The following MAGEB6 variants were observed in gnomAD, a reference collection of about 807,000 sequenced individuals.
MAGEB6 encodes melanoma-associated antigen B6.
For missense variants in MAGEB6, 327 were observed against 329.7 expected (o/e 0.99, Z 0.06); for synonymous variants, 128 against 136.2 (o/e 0.94, Z 0.42).
chrX:26,193,919 C>T lies in MAGEB6; in HGVS notation c.73C>T (p.Leu25Phe), dbSNP rs142389522. ...RQETNGQPQG[L>F]TGPQATAEKQ... ...AGAGACCAATGGTCAGCCACAGGGT[C>T]TCACGGGTCCCCAGGCCACTGCAGA... The change falls in exon 2 of 2, where the codon CTC becomes TTC. Residue 25 changes from leucine (L) to phenylalanine (F), a missense_variant. By Grantham distance (22) the Leu-to-Phe change is conservative. Coordinates refer to ENST00000379034, the MANE Select transcript of MAGEB6 (RefSeq NM_173523.2). The T allele has an allele frequency of 1.1e-4, 127 of 1,203,582 alleles. No homozygotes were observed. Among genetic ancestry groups the T allele is most frequent in the Non-Finnish European group, 1.3e-4 (119 of 891,788 alleles).
intron 1 of MAGEB6, 68 bp from the exon 2 acceptor site, chrX:26,193,718 C>T: frequency 1.4e-6 from 1 of 729,153 alleles, no homozygotes; most frequent in Non-Finnish European, 2.0e-6. Flanking sequence ...CAGAAGGGGC[C>T]CTAGTTAAAG....
chrX:26,195,520 ACAT>A lies in MAGEB6; in HGVS notation c.*454_*456del, dbSNP rs1929185296. On this transcript the variant is annotated 3_prime_UTR_variant, in exon 2 of 2. Coordinates refer to ENST00000379034, the MANE Select transcript of MAGEB6 (RefSeq NM_173523.2). ...TCTTAACTCCACAGTAAAATAGTTG[ACAT>A]CATAATATGAAGAGAAAGAAAAGGA... 1 of 128,268 alleles carries A rather than the reference ACAT, an allele frequency of 7.8e-6. No individual in the cohort carries two copies. The highest frequency in any genetic ancestry group is 3.2e-5 in the African/African-American group (1 of 31,175). 10.6% of individuals were successfully genotyped at this position (128,268 alleles called of 1,213,427 possible). A position where few individuals can be genotyped will look rare whatever the true frequency, so the allele number is the denominator to read the frequency against.
chrX:26,192,867 C>T (rs1207051616), intron 1 of MAGEB6, among the ~76,000 whole-genome samples: 2 of 111,421 alleles, frequency 1.8e-5, no homozygotes, highest in Non-Finnish European at 3.8e-5. Flanking sequence ...GGGGTCCGGG[C>T]AGGTCTCTAG....
rs1352184147 is a variant in MAGEB6, at chrX:26,195,109, T to C, written c.*39T>C. On this transcript the variant is annotated 3_prime_UTR_variant, in exon 2 of 2. Coordinates refer to ENST00000379034, the MANE Select transcript of MAGEB6 (RefSeq NM_173523.2). ...CTATTTCCTTGGCCAGGGTACCTTATGGGGCCATATCCTACAGATCCTCCC... is the reference window on the plus strand; with the variant it reads ...CTATTTCCTTGGCCAGGGTACCTTACGGGGCCATATCCTACAGATCCTCCC... The C allele has an allele frequency of 5.3e-5, 62 of 1,176,398 alleles. No homozygotes were observed. In the East Asian group the frequency reaches 1.8e-3, roughly 34 times the overall value.
Position 26,195,212 on chromosome X carries a change from G to C in MAGEB6, c.*142G>C. ...TGAGCTTTCTAAGTAGTGCAGTATA[G>C]TAGAGGCTGGAGGGAACAAGATATG... is the stretch of plus-strand genomic sequence containing the variant. On this transcript the variant is annotated 3_prime_UTR_variant, in exon 2 of 2. Coordinates refer to ENST00000379034, the MANE Select transcript of MAGEB6 (RefSeq NM_173523.2). 1 of 673,066 alleles carries C rather than the reference G, an allele frequency of 1.5e-6. No individual in the cohort carries two copies. The highest frequency in any genetic ancestry group is 2.2e-6 in the Non-Finnish European group (1 of 457,917). The allele number at this position is 673,066 out of a possible 1,213,427, so 55.5% of individuals were successfully genotyped here.
In MAGEB6 at chrX:26,194,320, T is replaced by A. The variant is rs1208105139; in HGVS notation, c.474T>A (p.Asp158Glu). Reference protein sequence around the residue: ...SQGASPTGSPDAGVSGSKYDV... With the variant: ...SQGASPTGSPEAGVSGSKYDV... Reference sequence around the variant, plus strand: ...GAGCTTCACCCACTGGCTCGCCTGATGCAGGTGTTTCAGGCTCAAAATATG... The same window carrying A: ...GAGCTTCACCCACTGGCTCGCCTGAAGCAGGTGTTTCAGGCTCAAAATATG... The change falls in exon 2 of 2, where the codon GAT (aspartate) becomes GAA (glutamate). Residue 158 changes from aspartate to glutamate, a missense_variant. Asp to Glu is a conservative substitution (Grantham distance 45). Coordinates refer to ENST00000379034, the MANE Select transcript of MAGEB6 (RefSeq NM_173523.2). 1 of 1,212,000 alleles carries A rather than the reference T, an allele frequency of 8.3e-7. No homozygotes were observed. The highest frequency in any genetic ancestry group is 1.1e-6 in the Non-Finnish European group (1 of 895,583).
chrX:26,194,449 G>C lies in MAGEB6; in HGVS notation c.603G>C (p.Thr201=). 2 of 1,212,124 alleles carry C rather than the reference G, an allele frequency of 1.7e-6. No homozygotes were observed. The highest frequency in any genetic ancestry group is 2.2e-6 in the Non-Finnish European group (2 of 895,639). The change falls in exon 2 of 2, where the codon ACG becomes ACC. Residue 201 remains threonine (T), a synonymous_variant. Coordinates refer to ENST00000379034, the MANE Select transcript of MAGEB6 (RefSeq NM_173523.2). ...SKDAVKKKAC[T]LAQFLQKKFE... ...ATGCTGTAAAGAAGAAGGCGTGCAC[G>C]TTGGCGCAATTCCTGCAGAAGAAGT... is the stretch of plus-strand genomic sequence containing the variant.
chrX:26,194,130 G>C lies in MAGEB6; in HGVS notation c.284G>C (p.Ser95Thr), dbSNP rs747363963. 20 of 1,180,045 alleles carry C rather than the reference G, an allele frequency of 1.7e-5. 2 individuals are homozygous for C. Among genetic ancestry groups the C allele is most frequent in the Non-Finnish European group, 1.4e-5 (12 of 873,142 alleles). ...AACGGCCAAGATGAGAAAAGTCCAA[G>C]CACCTCCCGTGATGCCTCCGTTCCT... ...AANGQDEKSPSTSRDASVPQE... is the reference protein window; with the variant it reads ...AANGQDEKSPTTSRDASVPQE... Residue 95 changes from serine to threonine, a missense_variant, in exon 2 of 2, where the codon AGC becomes ACC. Coordinates refer to ENST00000379034, the MANE Select transcript of MAGEB6 (RefSeq NM_173523.2).
At position 26,192,716 on chromosome X, in the gene MAGEB6, G is replaced by A. The variant is rs773462325; in HGVS notation, c.-62+189G>A. On this transcript the variant is annotated intron_variant, in intron 1 of 1. Coordinates refer to ENST00000379034, the MANE Select transcript of MAGEB6 (RefSeq NM_173523.2). ...TCGTGTTGAAGAACATGAAGGCCTC[G>A]GTCCAAGGCTTGTGGACCCAGGTCA... 5.4e-5 allele frequency among the ~76,000 whole-genome samples: 6 copies of A among 111,320 alleles called. No individual in the cohort carries two copies. In the South Asian group the frequency reaches 1.9e-3, roughly 36 times the overall value.
intron 1 of MAGEB6, among the ~76,000 whole-genome samples, chrX:26,193,471 T>C (rs1288319367): frequency 9.3e-6 from 1 of 107,119 alleles, no homozygotes; most frequent in Non-Finnish European, 1.9e-5. Context: ...TTGCGATAGT[T>C]TGCTGAGAAT....
In MAGEB6 at chrX:26,194,590, T is replaced by C. The variant is rs375291505; in HGVS notation, c.744T>C (p.Phe248=). Residue 248 remains phenylalanine, a synonymous_variant, in exon 2 of 2, where the codon TTT becomes TTC. Coordinates refer to ENST00000379034, the MANE Select transcript of MAGEB6 (RefSeq NM_173523.2). ...NRTSQHLVVA[F]GVELKEMDSS... The stretch of plus-strand genomic sequence containing the variant: ...CCTCCCAACATTTGGTGGTGGCCTT[T>C]GGCGTTGAATTGAAAGAAATGGATT... 1 of 1,209,638 alleles carries C rather than the reference T, an allele frequency of 8.3e-7. No homozygotes were observed. Among genetic ancestry groups the C allele is most frequent in the East Asian group, 3.0e-5 (1 of 33,717 alleles).
At chrX:26,193,197 AT>A (rs68188349) in intron 1 of MAGEB6, among the ~76,000 whole-genome samples, 35,525 of 106,693 alleles carry the variant, frequency 0.33, 4,527 homozygotes, top group South Asian at 0.48. Context: ...CTTGTCAACA[AT>A]TTTTTTTTTA....
At chrX:26,193,464 C>G (rs1437524695) in intron 1 of MAGEB6, among the ~76,000 whole-genome samples, 1 of 105,355 alleles carries the variant, frequency 9.5e-6, no homozygotes, top group East Asian at 3.1e-4. Context: ...TTTGTCCTTG[C>G]GATAGTTTGC....
chrX:26,194,912 G>C lies in MAGEB6; in HGVS notation c.1066G>C (p.Glu356Gln). 8.3e-7 allele frequency: 1 copy of C among 1,211,929 alleles called. No homozygotes were observed. The highest frequency in any genetic ancestry group is 1.8e-5 in the South Asian group (1 of 56,972). Residue 356 changes from glutamate (E) to glutamine (Q), a missense_variant, in exon 2 of 2, where the codon GAG (glutamate) becomes CAG (glutamine). Transcript: ENST00000379034. ...GTGCAACAGTGATCCTCCATGCTATGAGTTCCTGTGGGGTCCACGAGCCTA... is the reference window on the plus strand; with the variant it reads ...GTGCAACAGTGATCCTCCATGCTATCAGTTCCTGTGGGGTCCACGAGCCTA... ...QVCNSDPPCY[E>Q]FLWGPRAYAE...
Position 26,194,108 on chromosome X carries a change from G to C in MAGEB6, c.262G>C (p.Gly88Arg). Reference sequence around the variant, plus strand: ...TTCAAAATCCGATGTGGCTGCCAACGGCCAAGATGAGAAAAGTCCAAGCAC... The same window carrying C: ...TTCAAAATCCGATGTGGCTGCCAACCGCCAAGATGAGAAAAGTCCAAGCAC... ...SYSKSDVAANGQDEKSPSTSR... is the reference protein window; with the variant it reads ...SYSKSDVAANRQDEKSPSTSR... Residue 88 changes from glycine to arginine, a missense_variant, in exon 2 of 2, where the codon GGC becomes CGC. Transcript: ENST00000379034. 8.3e-7 allele frequency: 1 copy of C among 1,202,979 alleles called. No individual in the cohort carries two copies. Among genetic ancestry groups the C allele is most frequent in the Non-Finnish European group, 1.1e-6 (1 of 890,601 alleles).
rs1929147173 is a variant in MAGEB6 at position 26,193,952 on chromosome X, G to A, written c.106G>A (p.Glu36Lys). 2 of 1,211,114 alleles carry A rather than the reference G, an allele frequency of 1.7e-6. No individual in the cohort carries two copies. Among genetic ancestry groups the A allele is most frequent in the Non-Finnish European group, 2.2e-6 (2 of 895,074 alleles). Residue 36 changes from glutamate (E) to lysine (K), a missense_variant, in exon 2 of 2, where the codon GAA becomes AAA. Glu to Lys is a moderately conservative substitution (Grantham distance 56). Coordinates refer to ENST00000379034, the MANE Select transcript of MAGEB6 (RefSeq NM_173523.2). The part of the protein sequence containing the change: ...TGPQATAEKQ[E>K]ESHSSSSSSR... Reference sequence around the variant, plus strand: ...TCCCCAGGCCACTGCAGAGAAGCAGGAAGAGTCCCACTCTTCCTCATCCTC... The same window carrying A: ...TCCCCAGGCCACTGCAGAGAAGCAGAAAGAGTCCCACTCTTCCTCATCCTC...
At position 26,194,910 on chromosome X, in the gene MAGEB6, A is replaced by G. The variant is rs781316600; in HGVS notation, c.1064A>G (p.Tyr355Cys). ...RQVCNSDPPC[Y>C]EFLWGPRAYA... Reference sequence around the variant, plus strand: ...GTGTGCAACAGTGATCCTCCATGCTATGAGTTCCTGTGGGGTCCACGAGCC... The same window carrying G: ...GTGTGCAACAGTGATCCTCCATGCTGTGAGTTCCTGTGGGGTCCACGAGCC... Residue 355 changes from tyrosine to cysteine, a missense_variant, in exon 2 of 2, where the codon TAT (tyrosine) becomes TGT (cysteine). Tyr to Cys is a radical substitution (Grantham distance 194). Coordinates refer to ENST00000379034, the MANE Select transcript of MAGEB6 (RefSeq NM_173523.2). 37 of 1,209,852 alleles carry G rather than the reference A, an allele frequency of 3.1e-5. No individual in the cohort carries two copies. Among genetic ancestry groups the G allele is most frequent in the East Asian group, 8.9e-5 (3 of 33,762 alleles).
Position 26,193,828 on chromosome X carries a change from G to T in MAGEB6, c.-19G>T. On this transcript the variant is annotated 5_prime_UTR_variant, in exon 2 of 2. Coordinates refer to ENST00000379034, the MANE Select transcript of MAGEB6 (RefSeq NM_173523.2). Reference sequence around the variant, plus strand: ...CTTCCTACCCACACTCCTACCTGCTGTCACAGGCCACAGCCATCATGCCTC... The same window carrying T: ...CTTCCTACCCACACTCCTACCTGCTTTCACAGGCCACAGCCATCATGCCTC... 1 of 1,150,078 alleles carries T rather than the reference G, an allele frequency of 8.7e-7. No homozygotes were observed. Among genetic ancestry groups the T allele is most frequent in the Non-Finnish European group, 1.2e-6 (1 of 866,944 alleles). The allele number at this position is 1,150,078 out of a possible 1,213,427, so 94.8% of individuals were successfully genotyped here. A position where few individuals can be genotyped will look rare whatever the true frequency, so the allele number is the denominator to read the frequency against.
In MAGEB6 at chrX:26,194,446, C is replaced by T; in HGVS notation, c.600C>T (p.Cys200=). Reference sequence around the variant, plus strand: ...AAGATGCTGTAAAGAAGAAGGCGTGCACGTTGGCGCAATTCCTGCAGAAGA... The same window carrying T: ...AAGATGCTGTAAAGAAGAAGGCGTGTACGTTGGCGCAATTCCTGCAGAAGA... ...LSKDAVKKKA[C]TLAQFLQKKF... is the part of the protein sequence containing the mutation. The change falls in exon 2 of 2, where the codon TGC becomes TGT. Residue 200 remains cysteine (C), a synonymous_variant. Coordinates refer to ENST00000379034, the MANE Select transcript of MAGEB6 (RefSeq NM_173523.2). The T allele has an allele frequency of 8.3e-7, 1 of 1,211,944 alleles. No homozygotes were observed. The highest frequency in any genetic ancestry group is 1.1e-6 in the Non-Finnish European group (1 of 895,602).
Sources: gnomAD v4.1 joint callset for allele counts (sites outside exome capture counted in the v4.1 genomes callset) on GRCh38, gnomAD v4.1.1 for gene constraint, MANE v1.5 for transcripts, NCBI Gene and HGNC (gene_info 2026-07-23, HGNC 2026-07-21) for gene names.